Variants in LPP observed in about 807,000 individuals in gnomAD.
LPP encodes the protein lipoma-preferred partner.
In LPP, 38 loss-of-function variants were observed where a neutral mutation model predicts 60.4. The observed-to-expected ratio is 0.63, with a 90% confidence interval of 0.49 to 0.83. The LOEUF (loss-of-function observed/expected upper bound fraction) is 0.83, where lower values mean the gene tolerates loss of function less well. Among genes scored for constraint, LPP ranks in the 40% least tolerant of loss-of-function variants. The pLI, the probability that LPP is intolerant of heterozygous loss-of-function variation, is 0.00. For synonymous variants in LPP, 328 were observed against 290.8 expected, an observed-to-expected ratio of 1.13 and a Z score of -1.30; for missense variants, 902 against 783.6, an observed-to-expected ratio of 1.15 and a Z score of -1.80.
chr3:188,251,847 T>C (rs1729742399), intron 2 of LPP, among the ~76,000 whole-genome samples: 1 of 151,628 alleles, frequency 6.6e-6, no homozygotes, highest in Non-Finnish European at 1.5e-5. Context: ...AGTTTTAGTT[T>C]CCCTCCTTCC....
intron 8 of LPP, among the ~76,000 whole-genome samples, chr3:188,724,965 G>A (rs1346011784): frequency 1.3e-5 from 2 of 152,198 alleles, no homozygotes; most frequent in Admixed American, 6.5e-5. Context: ...GCTAGCAATT[G>A]GCTCACTCAG....
At chr3:188,643,173 ATT>A (rs1448273051) in intron 7 of LPP, among the ~76,000 whole-genome samples, 1 of 152,192 alleles carries the variant, frequency 6.6e-6, no homozygotes, top group African/African-American at 2.4e-5. Context: ...TAGCCCAGAC[ATT>A]TTACAGAGGA....
intron 7 of LPP, among the ~76,000 whole-genome samples, chr3:188,636,833 C>T (rs1848919819): frequency 6.6e-6 from 1 of 151,204 alleles, no homozygotes; most frequent in East Asian, 1.9e-4. Context: ...TCCAACAGAC[C>T]TGCAGCTGAG....
chr3:188,705,092 A>G (rs1865223532), intron 7 of LPP, among the ~76,000 whole-genome samples: 1 of 152,208 alleles, frequency 6.6e-6, no homozygotes. Flanking sequence ...TGAAGTCATC[A>G]TGTTTAAAAA....
chr3:188,710,185 ACCAGTC>A (rs1349535929), intron 8 of LPP: 1 of 152,226 alleles, frequency 6.6e-6, no homozygotes, highest in African/African-American at 2.4e-5. Flanking sequence ...AACTGACCAC[ACCAGTC>A]CAAAAACACA....
intron 1 of LPP, among the ~76,000 whole-genome samples, chr3:188,166,661 T>G (rs1158980041): frequency 1.3e-5 from 2 of 152,202 alleles, no homozygotes; most frequent in Non-Finnish European, 2.9e-5. Flanking sequence ...AACCAGGACT[T>G]AAGTTTTCTA....
chr3:188,314,773 T>C (rs1302983063), intron 2 of LPP, among the ~76,000 whole-genome samples: 2 of 152,028 alleles, frequency 1.3e-5, no homozygotes, highest in Admixed American at 6.6e-5. Context: ...GTGAGTGAGA[T>C]TGCGCCCCTG....
At chr3:188,601,472 G>A (rs976126665) in intron 6 of LPP, among the ~76,000 whole-genome samples, 2 of 151,980 alleles carry the variant, frequency 1.3e-5, no homozygotes, top group Admixed American at 6.6e-5. Context: ...CATTAACTTC[G>A]TCCCTAAATC....
chr3:188,861,399 T>A (rs1339448194), intron 9 of LPP, among the ~76,000 whole-genome samples: 1 of 152,198 alleles, frequency 6.6e-6, no homozygotes, highest in Non-Finnish European at 1.5e-5. Flanking sequence ...AAGATCACAT[T>A]TTAATTTTAT....
intron 9 of LPP, among the ~76,000 whole-genome samples, chr3:188,811,525 G>A (rs1419645871): frequency 6.6e-6 from 1 of 152,070 alleles, no homozygotes; most frequent in East Asian, 1.9e-4. Flanking sequence ...ATAGAACTTA[G>A]TCATTATGTT....
chr3:188,378,845 A>G (rs1776049660), intron 3 of LPP, among the ~76,000 whole-genome samples: 1 of 152,226 alleles, frequency 6.6e-6, no homozygotes, highest in East Asian at 1.9e-4. Context: ...CTATTCGGCC[A>G]TCTTGGCTCC....
intron 9 of LPP, among the ~76,000 whole-genome samples, chr3:188,767,688 G>T (rs924765843): frequency 1.3e-5 from 2 of 152,068 alleles, no homozygotes; most frequent in Non-Finnish European, 2.9e-5. Context: ...AACAAGAAAT[G>T]AATAAATACA....
chr3:188,310,615 T>C (rs1278480571), intron 2 of LPP, among the ~76,000 whole-genome samples: 2 of 152,180 alleles, frequency 1.3e-5, no homozygotes, highest in African/African-American at 4.8e-5. Flanking sequence ...GGCCACCACC[T>C]AATTATAGAT....
intron 9 of LPP, among the ~76,000 whole-genome samples, chr3:188,864,369 C>T (rs1324013836): frequency 1.3e-5 from 2 of 152,180 alleles, no homozygotes; most frequent in African/African-American, 4.8e-5. Context: ...ACACATTCAT[C>T]TCAGGCTTAT....
chr3:188,570,158 T>A (rs1263172492), intron 6 of LPP, among the ~76,000 whole-genome samples: 1 of 151,928 alleles, frequency 6.6e-6, no homozygotes, highest in Non-Finnish European at 1.5e-5. Flanking sequence ...CAGAGAAGGG[T>A]AAAAGTGACA....
intron 5 of LPP, among the ~76,000 whole-genome samples, chr3:188,512,414 T>C (rs975887507): frequency 1.3e-5 from 2 of 152,010 alleles, no homozygotes; most frequent in Non-Finnish European, 2.9e-5. Context: ...TAGCCAGGCG[T>C]GTTGGCACGC....
At chr3:188,863,048 G>T (rs956135208) in intron 9 of LPP, among the ~76,000 whole-genome samples, 1 of 152,064 alleles carries the variant, frequency 6.6e-6, no homozygotes, top group East Asian at 1.9e-4. Context: ...ATCAGTGGAG[G>T]TGCATAGTAA....
At chr3:188,219,781 C>G (rs778791965) in intron 1 of LPP, among the ~76,000 whole-genome samples, 1 of 152,172 alleles carries the variant, frequency 6.6e-6, no homozygotes, top group Non-Finnish European at 1.5e-5. Flanking sequence ...TCCTACCAAC[C>G]CCCAGATATA....
intron 8 of LPP, chr3:188,709,924 T>G (rs1866274673): frequency 6.6e-6 from 1 of 152,236 alleles, no homozygotes; most frequent in Non-Finnish European, 1.5e-5. Context: ...TAAATTTTTA[T>G]ACTAGTTTCT....
Sources: allele counts gnomAD v4.1 joint callset (sites outside exome capture counted in the v4.1 genomes callset), GRCh38; gene constraint gnomAD v4.1.1; transcripts MANE v1.5; gene names NCBI Gene and HGNC (gene_info 2026-07-23, HGNC 2026-07-21).